Variants in UGT8 observed in about 807,000 individuals in gnomAD.
UGT8 encodes the protein 2-hydroxyacylsphingosine 1-beta-galactosyltransferase.
In UGT8, 12 loss-of-function variants were observed where a neutral mutation model predicts 40.5. The observed-to-expected ratio is 0.30, with a 90% CI of 0.19 to 0.48. The LOEUF (loss-of-function observed/expected upper bound fraction) is 0.48, where lower values mean the gene tolerates loss of function less well. Among genes scored for constraint, UGT8 ranks in the 20% least tolerant of loss-of-function variants. The probability of loss-of-function intolerance (pLI) is 0.99; values close to 1 mark genes in which losing one functional copy is unlikely to be tolerated. For synonymous variants in UGT8, 224 were observed against 240.4 expected (o/e 0.93, Z 0.63); for missense variants, 513 against 648.7 (o/e 0.79, Z 2.27).
rs1397957509 is a variant in UGT8, at chr4:114,676,557, T to G, written c.*269T>G. 3 of 329,980 alleles carry G rather than the reference T, an allele frequency of 9.1e-6. No homozygotes were observed. The highest frequency in any genetic ancestry group is 6.4e-5 in the African/African-American group (3 of 46,874). The allele number at this position is 329,980 out of a possible 1,614,324, so 20.4% of individuals were successfully genotyped here. A position where few individuals can be genotyped will look rare whatever the true frequency, so the allele number is the denominator to read the frequency against. On this transcript the variant is annotated 3_prime_UTR_variant, in exon 6 of 6. Transcript: ENST00000310836. ...ATTATTTAAATCAATTCAGTGACTG[T>G]GTCAGACCTTAGTTTTAAATCTTGA...
intron 2 of UGT8, among the ~76,000 whole-genome samples, chr4:114,640,219 AC>A (rs1733136722): frequency 6.6e-6 from 1 of 151,756 alleles, no homozygotes; most frequent in African/African-American, 2.4e-5. Flanking sequence ...TTTAGTAGAG[AC>A]GGGGTTTCAC....
chr4:114,642,531 T>C (rs965162905), intron 2 of UGT8, among the ~76,000 whole-genome samples: 1 of 152,148 alleles, frequency 6.6e-6, no homozygotes, highest in African/African-American at 2.4e-5. Flanking sequence ...GCTGTGACTA[T>C]TTTGCTTCCT....
At chr4:114,659,038 C>G (rs576552221) in intron 2 of UGT8, among the ~76,000 whole-genome samples, 1 of 152,226 alleles carries the variant, frequency 6.6e-6, no homozygotes, top group East Asian at 1.9e-4. Flanking sequence ...CAACAAGCCC[C>G]TCACTACATT....
Position 114,664,059 on chromosome 4 carries a change from G to C in UGT8, c.887G>C (p.Gly296Ala). 1 of 1,614,072 alleles carries C rather than the reference G, an allele frequency of 6.2e-7. No homozygotes were observed. The highest frequency in any genetic ancestry group is 1.1e-5 in the South Asian group (1 of 91,080). ...HGFVLVSFGA[G>A]VKYLSEDIAN... ...TTTGTCTTGGTGTCTTTTGGAGCTG[G>C]TGTCAAGTATCTGTCAGAAGACATT... Residue 296 changes from glycine (G) to alanine (A), a missense_variant, in exon 3 of 6, where the codon GGT (glycine) becomes GCT (alanine). Gly to Ala is a moderately conservative substitution (Grantham distance 60). Transcript: ENST00000310836.
intron 1 of UGT8, among the ~76,000 whole-genome samples, chr4:114,613,819 C>G (rs890836637): frequency 1.3e-5 from 2 of 152,082 alleles, no homozygotes; most frequent in African/African-American, 4.8e-5. Flanking sequence ...ACTTTGGAAC[C>G]TGTATTTTTA....
Position 114,676,649 on chromosome 4 carries a change from G to T in UGT8, c.*361G>T. On this transcript the variant is annotated 3_prime_UTR_variant, in exon 6 of 6. Coordinates refer to ENST00000310836, the MANE Select transcript of UGT8 (RefSeq NM_001128174.3). Reference sequence around the variant, plus strand: ...ATAATGTGTGTGTGTGTATGTGTGTGTGTGTGTGTGTGTGTTTGTGTGTGT... The same window carrying T: ...ATAATGTGTGTGTGTGTATGTGTGTTTGTGTGTGTGTGTGTTTGTGTGTGT... 1 of 177,022 alleles carries T rather than the reference G, an allele frequency of 5.6e-6. No individual in the cohort carries two copies. The highest frequency in any genetic ancestry group is 1.5e-4 in the South Asian group (1 of 6,740). 11.0% of individuals were successfully genotyped at this position (177,022 alleles called of 1,614,324 possible). A position where few individuals can be genotyped will look rare whatever the true frequency, so the allele number is the denominator to read the frequency against.
rs147467972 is a variant in UGT8 at position 114,623,498 on chromosome 4, G to T, written c.618G>T (p.Gly206=). The T allele has an allele frequency of 2.6e-3, 4,232 of 1,614,058 alleles. 26 individuals carry two copies. Among genetic ancestry groups the T allele is most frequent in the Middle Eastern group, 0.016 (97 of 6,062 alleles). The change falls in exon 2 of 6, where the codon GGG becomes GGT. Residue 206 remains glycine (G), a synonymous_variant. Transcript: ENST00000310836. ...GTGTTTACCTCATTTCCAGATTAGG[G>T]GTCAGCTTTCTGGTTCTTCCCAAAT... ...NTGVYLISRL[G]VSFLVLPKYE... is the part of the protein sequence containing the mutation.
At chr4:114,611,424 A>G (rs562616836) in intron 1 of UGT8, among the ~76,000 whole-genome samples, 4 of 35,466 alleles carry the variant, frequency 1.1e-4, no homozygotes, top group Non-Finnish European at 3.5e-4. Context: ...ATATATATAT[A>G]TATATATATA....
intron 1 of UGT8, among the ~76,000 whole-genome samples, chr4:114,620,302 A>G (rs749037367): frequency 1.3e-5 from 2 of 152,196 alleles, no homozygotes; most frequent in Non-Finnish European, 2.9e-5. Flanking sequence ...CCTCTCGAAT[A>G]TGCAAGAAGT....
chr4:114,639,856 G>A (rs1460880705), intron 2 of UGT8, among the ~76,000 whole-genome samples: 5 of 152,198 alleles, frequency 3.3e-5, no homozygotes, highest in East Asian at 3.8e-4. Context: ...AACAGAGCTT[G>A]CCTGGAGGAG....
At position 114,677,625 on chromosome 4, in the gene UGT8, C is replaced by A. The variant is rs1735735870; in HGVS notation, c.*1337C>A. 6.6e-6 allele frequency: 1 copy of A among 152,322 alleles called. No individual in the cohort carries two copies. Among genetic ancestry groups the A allele is most frequent in the East Asian group, 1.9e-4 (1 of 5,190 alleles). 9.4% of individuals were successfully genotyped at this position (152,322 alleles called of 1,614,324 possible). A position where few individuals can be genotyped will look rare whatever the true frequency, so the allele number is the denominator to read the frequency against. On this transcript the variant is annotated 3_prime_UTR_variant, in exon 6 of 6. Coordinates refer to ENST00000310836, the MANE Select transcript of UGT8 (RefSeq NM_001128174.3). ...CACAGACATCATAAAATCAGGGTCT[C>A]CCTGCTGAAGCATTCACTAGTTGGC...
At position 114,668,256 on chromosome 4, in the gene UGT8, C is replaced by T; in HGVS notation, c.1214C>T (p.Thr405Ile). 1 of 1,613,744 alleles carries T rather than the reference C, an allele frequency of 6.2e-7. No homozygotes were observed. The highest frequency in any genetic ancestry group is 1.7e-4 in the Middle Eastern group (1 of 6,056). ...ATATTGCTAGAATGGAAGACAGTTA[C>T]TGAAAAAGAGCTCTATGAAGCACTA... is the stretch of plus-strand genomic sequence containing the variant. ...MGILLEWKTV[T>I]EKELYEALVK... The change falls in exon 5 of 6, where the codon ACT becomes ATT. Residue 405 changes from threonine to isoleucine, a missense_variant. Thr to Ile is a moderately conservative substitution (Grantham distance 89). Transcript: ENST00000310836.
At chr4:114,660,355 C>G (rs1265658988) in intron 2 of UGT8, among the ~76,000 whole-genome samples, 1 of 152,008 alleles carries the variant, frequency 6.6e-6, no homozygotes, top group Non-Finnish European at 1.5e-5. Context: ...ACTATATAGA[C>G]AATATGAAAA....
chr4:114,644,435 G>A (rs897917466), intron 2 of UGT8, among the ~76,000 whole-genome samples: 3 of 152,010 alleles, frequency 2.0e-5, no homozygotes, highest in African/African-American at 7.2e-5. Flanking sequence ...CATTTGGAAG[G>A]CTTCCTGGAC....
rs148766451 is a variant in UGT8, at chr4:114,638,297, G to T, written c.822+14595G>T. Among the ~76,000 whole-genome samples the T allele has an allele frequency of 6.8e-3, 1,039 of 152,212 alleles. 11 individuals carry two copies. Among genetic ancestry groups the T allele is most frequent in the Non-Finnish European group, 9.9e-3 (671 of 68,004 alleles). ...AGAAGTGCTATGAAGGAAAGCATAGGGTGCTGAAGAGTATGACATTAGGGC... is the reference window on the plus strand; with the variant it reads ...AGAAGTGCTATGAAGGAAAGCATAGTGTGCTGAAGAGTATGACATTAGGGC... On this transcript the variant is annotated intron_variant, in intron 2 of 5. Transcript: ENST00000310836.
chr4:114,671,548 CAAACCTGCCA>C (rs1003709824), intron 5 of UGT8, among the ~76,000 whole-genome samples: 2 of 152,178 alleles, frequency 1.3e-5, no homozygotes, highest in African/African-American at 2.4e-5. Context: ...TGATCTTCTA[CAAACCTGCCA>C]AAAACAAGCA....
chr4:114,665,615 C>T (rs543672913), intron 3 of UGT8, 65 bp from the exon 4 acceptor site: 3 of 1,362,620 alleles, frequency 2.2e-6, no homozygotes, highest in African/African-American at 3.0e-5. Flanking sequence ...ATAATTTAAT[C>T]AGAGAGCCCA....
chr4:114,613,598 A>G (rs913746093), intron 1 of UGT8, among the ~76,000 whole-genome samples: 3 of 152,270 alleles, frequency 2.0e-5, no homozygotes, highest in Non-Finnish European at 4.4e-5. Context: ...TAAATTCCCA[A>G]GATAATTGAG....
chr4:114,662,169 T>C (rs1734584157), intron 2 of UGT8, among the ~76,000 whole-genome samples: 1 of 152,336 alleles, frequency 6.6e-6, no homozygotes, highest in East Asian at 1.9e-4. Context: ...GTTGAAAATA[T>C]TTTAAGTCAA....
Sources: allele counts gnomAD v4.1 joint callset (sites outside exome capture counted in the v4.1 genomes callset), GRCh38; gene constraint gnomAD v4.1.1; transcripts MANE v1.5; gene names NCBI Gene and HGNC (gene_info 2026-07-23, HGNC 2026-07-21).